The following DLG3 variants were observed in gnomAD, a reference collection of about 807,000 sequenced individuals.
The protein encoded by DLG3 is discs large MAGUK scaffold protein 3, also known as disks large homolog 3.
A neutral mutation model predicts 64.1 loss-of-function variants in DLG3; 1 was observed. The observed-to-expected ratio is 0.02, with a 90% CI of 0.01 to 0.07. The LOEUF (loss-of-function observed/expected upper bound fraction) is 0.07. DLG3 is among the 10% of genes least tolerant of loss of function. DLG3 has a pLI of 1.00. For synonymous variants in DLG3, 245 were observed against 259.8 expected, an observed-to-expected ratio of 0.94 and a Z score of 0.55; for missense variants, 429 against 669.5, an observed-to-expected ratio of 0.64 and a Z score of 3.96.
intron 10 of DLG3, among the ~76,000 whole-genome samples, chrX:70,485,604 TA>T (rs2087240451): frequency 1.8e-5 from 2 of 112,024 alleles, no homozygotes; most frequent in Admixed American, 9.4e-5. Context: ...GCTATAGCGC[TA>T]AAATGCTCAT....
rs1157949598 is a variant in DLG3 at position 70,468,736 on chromosome X, AT to A, written c.1406-10413del. Among the ~76,000 whole-genome samples, 3 of 111,940 alleles carry A rather than the reference AT, an allele frequency of 2.7e-5. No homozygotes were observed. In the Admixed American group the frequency reaches 2.9e-4, roughly 11 times the overall value. ...CTGCCCTCTCACATAGCCTTGAGAA[AT>A]ATTTTTGGTAATTTATGTTTATTGA... On this transcript the variant is annotated intron_variant, in intron 9 of 18. Transcript: ENST00000374360.
chrX:70,475,690 C>T (rs753432362), intron 9 of DLG3, among the ~76,000 whole-genome samples: 2 of 112,052 alleles, frequency 1.8e-5, no homozygotes, highest in South Asian at 7.4e-4. Flanking sequence ...GCCATATATG[C>T]ATGGAAGTAA....
chrX:70,446,055 C>T (rs1018254892), intron 1 of DLG3, among the ~76,000 whole-genome samples: 5 of 110,828 alleles, frequency 4.5e-5, no homozygotes, highest in African/African-American at 9.9e-5. Flanking sequence ...GCTCGCTGAG[C>T]TTCATCCCTT....
At chrX:70,481,736 A>G (rs2087158823) in intron 10 of DLG3, among the ~76,000 whole-genome samples, 1 of 111,916 alleles carries the variant, frequency 8.9e-6, no homozygotes, top group Non-Finnish European at 1.9e-5. Flanking sequence ...TAGTCTTCAA[A>G]TTTAGTGACT....
intron 9 of DLG3, among the ~76,000 whole-genome samples, chrX:70,468,321 C>T (rs1350798642): frequency 9.0e-6 from 1 of 111,580 alleles, no homozygotes; most frequent in Non-Finnish European, 1.9e-5. Context: ...CCGCCCGCTT[C>T]GGCCTCCCAA....
intron 9 of DLG3, among the ~76,000 whole-genome samples, chrX:70,461,851 T>C (rs2086806917): frequency 8.9e-6 from 1 of 111,829 alleles, no homozygotes; most frequent in Non-Finnish European, 1.9e-5. Flanking sequence ...TGAGCCACCA[T>C]GCCCAGCCAA....
At chrX:70,445,959 G>A (rs759200196) in intron 1 of DLG3, among the ~76,000 whole-genome samples, 27 of 100,104 alleles carry the variant, frequency 2.7e-4, no homozygotes, top group African/African-American at 8.8e-4. Flanking sequence ...GCGTAGGGGG[G>A]ACATATGTGT....
intron 1 of DLG3, among the ~76,000 whole-genome samples, chrX:70,447,927 G>A (rs769386945): frequency 1.8e-5 from 2 of 111,744 alleles, no homozygotes; most frequent in Non-Finnish European, 1.9e-5. Flanking sequence ...TGAAAACCAT[G>A]GACTCTGCTG....
At chrX:70,497,664 T>C (rs1484916184) in intron 13 of DLG3, among the ~76,000 whole-genome samples, 1 of 112,067 alleles carries the variant, frequency 8.9e-6, no homozygotes, top group African/African-American at 3.2e-5. Flanking sequence ...ATTGCCAAGT[T>C]CTCCTTGGGA....
At chrX:70,477,731 C>A (rs929016799) in intron 9 of DLG3, among the ~76,000 whole-genome samples, 1 of 111,976 alleles carries the variant, frequency 8.9e-6, no homozygotes, top group Non-Finnish European at 1.9e-5. Context: ...AATGAAAGAG[C>A]ACACGAATTT....
intron 12 of DLG3, among the ~76,000 whole-genome samples, chrX:70,493,094 C>G (rs1569292947): frequency 8.9e-6 from 1 of 111,928 alleles, no homozygotes; most frequent in Non-Finnish European, 1.9e-5. Flanking sequence ...GGGCATGTGT[C>G]CAGGAGGCTA....
At chrX:70,469,282 T>C (rs1158895820) in intron 9 of DLG3, among the ~76,000 whole-genome samples, 1 of 111,068 alleles carries the variant, frequency 9.0e-6, no homozygotes, top group Non-Finnish European at 1.9e-5. Flanking sequence ...CAAAATGTTA[T>C]GATTACAAGT....
At chrX:70,479,347 G>A (rs926121206) in intron 10 of DLG3, 83 bp downstream of exon 10, 1 of 723,184 alleles carries the variant, frequency 1.4e-6, no homozygotes, top group South Asian at 2.1e-5. Context: ...TTAACTAGTG[G>A]GCTAGGGAGT....
chrX:70,495,366 TC>T (rs762442732), intron 12 of DLG3, 41 bp from the exon 13 acceptor site: 2 of 1,169,592 alleles, frequency 1.7e-6, no homozygotes, highest in Non-Finnish European at 2.3e-6. Flanking sequence ...CCCCCTCTTC[TC>T]CCCGTCGTCC....
intron 10 of DLG3, among the ~76,000 whole-genome samples, chrX:70,489,104 CT>C (rs201596951): frequency 3.4e-4 from 37 of 110,126 alleles, no homozygotes; most frequent in Non-Finnish European, 6.1e-4. Flanking sequence ...TGCTTCCCCA[CT>C]TTTTTTTTAA....
At chrX:70,482,660 GTGTTTT>G (rs2087177342) in intron 10 of DLG3, among the ~76,000 whole-genome samples, 1 of 69,250 alleles carries the variant, frequency 1.4e-5, no homozygotes, top group Admixed American at 1.8e-4. Context: ...TACATGTGTG[GTGTTTT>G]TTTTTTTTTT....
intron 10 of DLG3, among the ~76,000 whole-genome samples, chrX:70,489,663 T>A (rs755845936): frequency 9.0e-6 from 1 of 111,476 alleles, no homozygotes; most frequent in African/African-American, 3.3e-5. Context: ...TTACAAACAG[T>A]TGGATTCCCG....
chrX:70,477,421 C>T (rs141014040), intron 9 of DLG3, among the ~76,000 whole-genome samples: 2 of 111,966 alleles, frequency 1.8e-5, no homozygotes, highest in Non-Finnish European at 3.8e-5. Flanking sequence ...CAATCCCCAC[C>T]CAGTGTAGAG....
At chrX:70,452,306 G>T (rs1185794196) in intron 7 of DLG3, 18 of 1,034,808 alleles carry the variant, frequency 1.7e-5, no homozygotes, top group Non-Finnish European at 2.0e-5. Context: ...AGCGTTTAGG[G>T]GGCTGAGGAG....
Sources: gnomAD v4.1 joint callset for allele counts (sites outside exome capture counted in the v4.1 genomes callset) on GRCh38, gnomAD v4.1.1 for gene constraint, MANE v1.5 for transcripts, NCBI Gene and HGNC (gene_info 2026-07-23, HGNC 2026-07-21) for gene names.